The following MEI4 variants were observed in gnomAD, a reference collection of about 807,000 sequenced individuals.
The protein encoded by MEI4 is meiosis-specific protein MEI4.
Under a neutral mutation model 31.4 loss-of-function variants are expected in MEI4, and 27 were observed. The observed-to-expected ratio is 0.86, with a 90% CI of 0.63 to 1.19. The LOEUF (loss-of-function observed/expected upper bound fraction) is 1.19, where lower values mean the gene tolerates loss of function less well. Ranked by LOEUF, MEI4 falls within the 50% of genes most tolerant of loss-of-function variation. The pLI, the probability that MEI4 is intolerant of heterozygous loss-of-function variation, is 0.00. For synonymous variants in MEI4, 122 were observed against 145.4 expected (o/e 0.84, Z 1.16); for missense variants, 329 against 398.9 (o/e 0.82, Z 1.49).
chr6:77,804,068 C>T (rs373970679), intron 3 of MEI4, among the ~76,000 whole-genome samples: 205 of 152,306 alleles, frequency 1.3e-3, no homozygotes, highest in African/African-American at 4.6e-3. Flanking sequence ...CTAGCCCCAG[C>T]GGTGAAGTCT....
Position 77,847,261 on chromosome 6 carries a change from CTG to C in MEI4, c.900+18203_900+18204del, listed in dbSNP as rs1351863575. 6.6e-6 allele frequency among the ~76,000 whole-genome samples: 1 copy of C among 152,072 alleles called. No individual in the cohort carries two copies. The highest frequency in any genetic ancestry group is 1.5e-5 in the Non-Finnish European group (1 of 68,018). On this transcript the variant is annotated intron_variant, in intron 4 of 4. Coordinates refer to ENST00000684080, the MANE Select transcript of MEI4 (RefSeq NM_001322247.2). This position sits in a 1 kb window ranked among gnomAD's most constrained non-coding sequence, Gnocchi z 4.6. ...GTGTACGGTCACTGTCAAAATAATT[CTG>C]TGTCTTAGATTATAATTAATTCAAG...
chr6:77,706,057 T>C (rs1407831569), intron 2 of MEI4, among the ~76,000 whole-genome samples: 1 of 152,092 alleles, frequency 6.6e-6, no homozygotes, highest in Non-Finnish European at 1.5e-5. Flanking sequence ...TCTGACCTTC[T>C]CCCCTTCTTT....
Position 77,926,494 on chromosome 6 carries a change from T to C in MEI4, c.*3148T>C, listed in dbSNP as rs1192279599. 1 of 151,892 alleles carries C rather than the reference T, an allele frequency of 6.6e-6. No individual in the cohort carries two copies. Among genetic ancestry groups the C allele is most frequent in the African/African-American group, 2.4e-5 (1 of 41,386 alleles). 9.4% of individuals were successfully genotyped at this position (151,892 alleles called of 1,614,324 possible). On this transcript the variant is annotated 3_prime_UTR_variant, in exon 5 of 5. Coordinates refer to ENST00000684080, the MANE Select transcript of MEI4 (RefSeq NM_001322247.2). ...ACTGGTTTGTTCTTGGAAAAATATA[T>C]ACGATTATCTCACAGGCCTTGTACT...
chr6:77,711,542 G>A (rs1766467144), intron 2 of MEI4, among the ~76,000 whole-genome samples: 1 of 152,126 alleles, frequency 6.6e-6, no homozygotes, highest in Non-Finnish European at 1.5e-5. Context: ...AGAGATTTGA[G>A]AGCATGAATG....
chr6:77,711,334 GTA>G (rs1485838563), intron 2 of MEI4, among the ~76,000 whole-genome samples: 1 of 152,000 alleles, frequency 6.6e-6, no homozygotes, highest in African/African-American at 2.4e-5. Context: ...GTGTATATAT[GTA>G]TATATATGTG....
chr6:77,792,515 G>A (rs760139769), intron 3 of MEI4, among the ~76,000 whole-genome samples: 2 of 152,094 alleles, frequency 1.3e-5, no homozygotes, highest in Non-Finnish European at 2.9e-5. Flanking sequence ...GGTGTGAGGT[G>A]ACATCTTTTT....
chr6:77,653,068 C>G lies in MEI4; in HGVS notation c.-39C>G, dbSNP rs1768328000. On this transcript the variant is annotated 5_prime_UTR_variant, in exon 1 of 5. In the 5' UTR this introduces an upstream ATG that the reference lacks. Coordinates refer to ENST00000684080, the MANE Select transcript of MEI4 (RefSeq NM_001322247.2). ...AGGCGTTCTCTTGCCCTGTTATCAT[C>G]TCATTTCTGCTTCTCTGTTTACTGG... Among the ~76,000 whole-genome samples, 2 of 152,182 alleles carry G rather than the reference C, an allele frequency of 1.3e-5. No individual in the cohort carries two copies. Among genetic ancestry groups the G allele is most frequent in the South Asian group, 4.1e-4 (2 of 4,836 alleles).
intron 2 of MEI4, among the ~76,000 whole-genome samples, chr6:77,732,954 G>T (rs1202965184): frequency 6.6e-6 from 1 of 151,088 alleles, no homozygotes; most frequent in Admixed American, 6.6e-5. Context: ...TATTGAACCA[G>T]CCTTGCATCC....
At chr6:77,896,399 T>C (rs1334652622) in intron 4 of MEI4, among the ~76,000 whole-genome samples, 1 of 152,116 alleles carries the variant, frequency 6.6e-6, no homozygotes, top group Non-Finnish European at 1.5e-5. Context: ...GGTTAGACAC[T>C]AAAAGAGCAC....
chr6:77,763,656 TAG>T (rs1024738446), intron 3 of MEI4, among the ~76,000 whole-genome samples: 2 of 152,320 alleles, frequency 1.3e-5, no homozygotes, highest in Non-Finnish European at 2.9e-5. Context: ...TCATTTCTTG[TAG>T]AGTCTTCCTG....
intron 3 of MEI4, among the ~76,000 whole-genome samples, chr6:77,792,241 G>A (rs1285693856): frequency 6.6e-6 from 1 of 152,046 alleles, no homozygotes; most frequent in Admixed American, 6.5e-5. Flanking sequence ...ATTATTGTGA[G>A]GAAGGCTGCA....
chr6:77,784,003 A>G (rs1202466238), intron 3 of MEI4, among the ~76,000 whole-genome samples: 2 of 152,166 alleles, frequency 1.3e-5, no homozygotes, highest in Non-Finnish European at 2.9e-5. Context: ...TTAAACCGCT[A>G]CAGAGAACTC....
At chr6:77,881,828 ATTTAT>A (rs148987400) in intron 4 of MEI4, among the ~76,000 whole-genome samples, 1,681 of 152,332 alleles carry the variant, frequency 0.011, 26 homozygotes, top group African/African-American at 0.038. Context: ...GTCTTGTGAA[ATTTAT>A]TTTATATTTT....
At chr6:77,748,559 C>G (rs1282171028) in intron 2 of MEI4, among the ~76,000 whole-genome samples, 2 of 152,184 alleles carry the variant, frequency 1.3e-5, no homozygotes, top group African/African-American at 4.8e-5. Context: ...CCTACTAGGC[C>G]TGGGGGCCCG....
chr6:77,893,684 C>G (rs536209691), intron 4 of MEI4, among the ~76,000 whole-genome samples: 1 of 152,276 alleles, frequency 6.6e-6, no homozygotes, highest in Non-Finnish European at 1.5e-5. Flanking sequence ...AAGTCCCTTT[C>G]TTGTTCTATA....
At chr6:77,773,619 G>A (rs1768369022) in intron 3 of MEI4, among the ~76,000 whole-genome samples, 1 of 152,028 alleles carries the variant, frequency 6.6e-6, no homozygotes, top group Admixed American at 6.6e-5. Context: ...AAGGTTTCTT[G>A]AGTAATACCT....
intron 4 of MEI4, among the ~76,000 whole-genome samples, chr6:77,911,083 T>G (rs1766424612): frequency 6.6e-6 from 1 of 152,088 alleles, no homozygotes; most frequent in Admixed American, 6.6e-5. Flanking sequence ...GCATGTTGGT[T>G]CATGTCCTTT....
At chr6:77,772,319 A>C (rs1201887361) in intron 3 of MEI4, among the ~76,000 whole-genome samples, 1 of 151,828 alleles carries the variant, frequency 6.6e-6, no homozygotes, top group Non-Finnish European at 1.5e-5. Flanking sequence ...AAAATCCTCA[A>C]CAAAAATCTA....
chr6:77,769,467 G>A (rs1025327405), intron 3 of MEI4, among the ~76,000 whole-genome samples: 1 of 152,144 alleles, frequency 6.6e-6, no homozygotes, highest in African/African-American at 2.4e-5. Context: ...CTGGTGCTGT[G>A]TTGGGCTTGG....
Sources: gnomAD v4.1 joint callset for allele counts (sites outside exome capture counted in the v4.1 genomes callset) on GRCh38, gnomAD v4.1.1 for gene constraint, Gnocchi (gnomAD v3.1) non-coding constraint, MANE v1.5 for transcripts, NCBI Gene and HGNC (gene_info 2026-07-23, HGNC 2026-07-21) for gene names.